GAA: variants seen among roughly 807,000 people sequenced by gnomAD.
The protein encoded by GAA is lysosomal alpha-glucosidase.
Under a neutral mutation model 103.9 loss-of-function variants are expected in GAA, and 88 were observed. That is an observed-to-expected ratio of 0.85 (90% CI 0.71 to 1.01). GAA has a LOEUF of 1.01. GAA is among the 50% of genes least tolerant of loss of function. The probability of loss-of-function intolerance (pLI) is 0.00; values close to 1 mark genes in which losing one functional copy is unlikely to be tolerated. For missense variants in GAA, 1,350 were observed against 1,305.3 expected, an observed-to-expected ratio of 1.03 and a Z score of -0.53; for synonymous variants, 572 against 563.1, an observed-to-expected ratio of 1.02 and a Z score of -0.22.
intron 11 of GAA, chr17:80,111,767 G>T: frequency 1.7e-6 from 1 of 579,438 alleles, no homozygotes; most frequent in Non-Finnish European, 3.1e-6. Context: ...TCCAGCACCC[G>T]CCCAGCCCTG....
Position 80,113,202 on chromosome 17 carries a change from C to T in GAA, c.2041-16C>T. On this transcript the variant is annotated splice_polypyrimidine_tract_variant and intron_variant, in intron 14 of 19. Coordinates refer to ENST00000302262, the MANE Select transcript of GAA (RefSeq NM_000152.5). ...CCAGCACCCAAGTGCTTCCTTTGCCCCCGCCTGCCCTGCAGCCCCAGGAGC... is the reference window on the plus strand; with the variant it reads ...CCAGCACCCAAGTGCTTCCTTTGCCTCCGCCTGCCCTGCAGCCCCAGGAGC... 2 of 1,585,152 alleles carry T rather than the reference C, an allele frequency of 1.3e-6. No homozygotes were observed. The highest frequency in any genetic ancestry group is 1.7e-6 in the Non-Finnish European group (2 of 1,168,494).
chr17:80,105,197 G>A lies in GAA; in HGVS notation c.546+65G>A, dbSNP rs1377420437. 5.4e-5 allele frequency: 79 copies of A among 1,454,948 alleles called. No individual in the cohort carries two copies. The East Asian group carries it at 1.7e-3, about 32-fold the overall frequency. The allele number at this position is 1,454,948 out of a possible 1,614,324, so 90.1% of individuals were successfully genotyped here. On this transcript the variant is annotated intron_variant, in intron 2 of 19. Transcript: ENST00000302262. ...GGTGCGCGTGGACATCGACACCCAC[G>A]CACCTCACAAGGGTGGGGTGCATGT... is the stretch of plus-strand genomic sequence containing the variant.
At chr17:80,119,043 C>G (rs958104902) in intron 19 of GAA, among the ~76,000 whole-genome samples, 1 of 152,186 alleles carries the variant, frequency 6.6e-6, no homozygotes. Context: ...GAAGCAGCAC[C>G]GCGTTTCTGG....
At position 80,107,607 on chromosome 17, in the gene GAA, T is replaced by C. The variant is rs1443844938; in HGVS notation, c.743T>C (p.Leu248Pro). Residue 248 changes from leucine to proline, a missense_variant, in exon 4 of 20, where the codon CTG becomes CCG. By Grantham distance (98) the Leu-to-Pro change is moderately conservative. Transcript: ENST00000302262. ...TTCTTTGCGGACCAGTTCCTTCAGC[T>C]GTCCACCTCGCTGCCCTCGCAGTAT... is the stretch of plus-strand genomic sequence containing the variant. Reference protein sequence around the residue: ...PLFFADQFLQLSTSLPSQYIT... With the variant: ...PLFFADQFLQPSTSLPSQYIT... The C allele has an allele frequency of 3.1e-6, 5 of 1,613,118 alleles. No individual in the cohort carries two copies. The highest frequency in any genetic ancestry group is 4.2e-6 in the Non-Finnish European group (5 of 1,179,914).
At chr17:80,106,328 T>C (rs939245257) in intron 3 of GAA, among the ~76,000 whole-genome samples, 1 of 152,196 alleles carries the variant, frequency 6.6e-6, no homozygotes, top group Non-Finnish European at 1.5e-5. Context: ...AGCAAGTCCA[T>C]GCAGACACAG....
intron 17 of GAA, 132 bp from the exon 18 acceptor site, chr17:80,118,061 C>A: frequency 1.9e-6 from 2 of 1,052,998 alleles, no homozygotes; most frequent in Non-Finnish European, 2.7e-6. Flanking sequence ...CCAGCCCCTG[C>A]GGCCGCAGGT....
Position 80,111,992 on chromosome 17 carries a change from G to C in GAA, c.1646G>C (p.Gly549Ala), listed in dbSNP as rs2039246325. 3.7e-6 allele frequency: 6 copies of C among 1,613,598 alleles called. No homozygotes were observed. The highest frequency in any genetic ancestry group is 5.1e-6 in the Non-Finnish European group (6 of 1,179,836). ...ENPPYVPGVV[G>A]GTLQAATICA... ...CCCCCGCCTCTTCCAGGGGTGGTTG[G>C]GGGGACCCTCCAGGCGGCCACCATC... Residue 549 changes from glycine (G) to alanine (A), a missense_variant, in exon 12 of 20, where the codon GGG becomes GCG. Transcript: ENST00000302262.
rs59362713 is a variant in GAA, at chr17:80,116,321, G to A, written c.2190-647G>A. 0.085 allele frequency among the ~76,000 whole-genome samples: 12,930 copies of A among 152,210 alleles called. 756 individuals carry two copies. Among genetic ancestry groups the A allele is most frequent in the East Asian group, 0.25 (1,309 of 5,176 alleles). ...ATGTTTTTGAGATTCACATTGATGC[G>A]TTAATTTTACAAATAGAAATAGGGC... On this transcript the variant is annotated intron_variant, in intron 15 of 19. Transcript: ENST00000302262.
Position 80,110,945 on chromosome 17 carries a change from T to C in GAA, c.1556T>C (p.Met519Thr), listed in dbSNP as rs786204720. The change falls in exon 11 of 20, where the codon ATG (methionine) becomes ACG (threonine). Residue 519 changes from methionine to threonine, a missense_variant. Coordinates refer to ENST00000302262, the MANE Select transcript of GAA (RefSeq NM_000152.5). ...QVPFDGMWID[M>T]NEPSNFIRGS... ...CCAGCAGCGCTTCTCTTGCAGGACA[T>C]GAACGAGCCTTCCAACTTCATCAGG... 3.1e-6 allele frequency: 5 copies of C among 1,613,804 alleles called. No individual in the cohort carries two copies. The highest frequency in any genetic ancestry group is 1.1e-5 in the South Asian group (1 of 91,084).
intron 15 of GAA, 82 bp from the exon 16 acceptor site, chr17:80,116,886 C>G: frequency 6.6e-7 from 1 of 1,523,048 alleles, no homozygotes; most frequent in Non-Finnish European, 9.1e-7. Flanking sequence ...TCAGCCTCTT[C>G]CTGTGCCTCC....
intron 1 of GAA, chr17:80,102,502 AT>A (rs1216601058): frequency 6.6e-6 from 1 of 152,196 alleles, no homozygotes; most frequent in Non-Finnish European, 1.5e-5. Flanking sequence ...GGGGCTGGAG[AT>A]TGAGTGAATC....
intron 8 of GAA, among the ~76,000 whole-genome samples, chr17:80,109,142 C>T (rs923077865): frequency 6.6e-6 from 1 of 152,142 alleles, no homozygotes; most frequent in Non-Finnish European, 1.5e-5. Context: ...GTGGAGGGCC[C>T]GGTGGGCCTG....
chr17:80,104,902 C>G lies in GAA; in HGVS notation c.316C>G (p.Arg106Gly), dbSNP rs915675670. 3.1e-6 allele frequency: 5 copies of G among 1,612,428 alleles called. No homozygotes were observed. Among genetic ancestry groups the G allele is most frequent in the South Asian group, 1.1e-5 (1 of 91,024 alleles). The change falls in exon 2 of 20, where the codon CGC becomes GGC. Residue 106 changes from arginine to glycine, a missense_variant. Transcript: ENST00000302262. This position sits in a 1 kb window ranked among gnomAD's most constrained non-coding sequence, Gnocchi z 4.0. The stretch of plus-strand genomic sequence containing the variant: ...CATCACCCAGGAACAGTGCGAGGCC[C>G]GCGGCTGTTGCTACATCCCTGCAAA... ...KAITQEQCEA[R>G]GCCYIPAKQG...
intron 19 of GAA, 73 bp from the exon 20 acceptor site, chr17:80,119,199 C>A: frequency 7.0e-7 from 1 of 1,435,252 alleles, no homozygotes; most frequent in Non-Finnish European, 9.8e-7. Context: ...CCAGATGGAG[C>A]CGCCTTCTGA....
chr17:80,118,061 C>T lies in GAA; in HGVS notation c.2482-132C>T, dbSNP rs113824706. 2,771 of 1,052,982 alleles carry T rather than the reference C, an allele frequency of 2.6e-3. 54 individuals carry two copies. In the African/African-American group the frequency reaches 0.037, roughly 14 times the overall value. The allele number at this position is 1,052,982 out of a possible 1,614,324, so 65.2% of individuals were successfully genotyped here. A position where few individuals can be genotyped will look rare whatever the true frequency, so the allele number is the denominator to read the frequency against. On this transcript the variant is annotated intron_variant, in intron 17 of 19. Coordinates refer to ENST00000302262, the MANE Select transcript of GAA (RefSeq NM_000152.5). ...CATCACCACGGGGTTCCAGCCCCTGCGGCCGCAGGTGTTCCTGCAGATCCT... is the reference window on the plus strand; with the variant it reads ...CATCACCACGGGGTTCCAGCCCCTGTGGCCGCAGGTGTTCCTGCAGATCCT...
At position 80,119,558 on chromosome 17, in the gene GAA, G is replaced by C. The variant is rs1800319; in HGVS notation, c.*227G>C. The C allele has an allele frequency of 1.8e-6, 1 of 557,626 alleles. No individual in the cohort carries two copies. Among genetic ancestry groups the C allele is most frequent in the Admixed American group, 2.8e-5 (1 of 35,704 alleles). The allele number at this position is 557,626 out of a possible 1,614,324, so 34.5% of individuals were successfully genotyped here. On this transcript the variant is annotated 3_prime_UTR_variant, in exon 20 of 20. Coordinates refer to ENST00000302262, the MANE Select transcript of GAA (RefSeq NM_000152.5). ...TCCCTAGATCGCACTGTGGGCCGGG[G>C]CCCTGGAGGGCTGCTCTGTGTTAAT...
rs374470794 is a variant in GAA, at chr17:80,112,625, C to A, written c.1802C>A (p.Ser601Ter). 3 of 1,613,012 alleles carry A rather than the reference C, an allele frequency of 1.9e-6. No homozygotes were observed. The highest frequency in any genetic ancestry group is 2.5e-6 in the Non-Finnish European group (3 of 1,179,962). ...ACACGCCCATTTGTGATCTCCCGCT[C>A]GACCTTTGCTGGCCACGGCCGATAC... is the stretch of plus-strand genomic sequence containing the variant. ...RGTRPFVISR[S>*]TFAGHGRYAG... The change falls in exon 13 of 20, where the codon TCG becomes TAG. Residue 601 changes from serine (S) to a stop codon, truncating the protein, a stop_gained. Transcript: ENST00000302262. LOFTEE classifies it high-confidence loss of function.
At position 80,113,201 on chromosome 17, in the gene GAA, C is replaced by A. The variant is rs746028622; in HGVS notation, c.2041-17C>A. 6.9e-6 allele frequency: 11 copies of A among 1,584,264 alleles called. No homozygotes were observed. Among genetic ancestry groups the A allele is most frequent in the Non-Finnish European group, 9.4e-6 (11 of 1,168,064 alleles). On this transcript the variant is annotated splice_polypyrimidine_tract_variant and intron_variant, in intron 14 of 19. Coordinates refer to ENST00000302262, the MANE Select transcript of GAA (RefSeq NM_000152.5). ...CCCAGCACCCAAGTGCTTCCTTTGC[C>A]CCCGCCTGCCCTGCAGCCCCAGGAG...
At chr17:80,117,480 G>C (rs972879933) in intron 16 of GAA, 120 bp from the exon 17 acceptor site, 5 of 1,197,326 alleles carry the variant, frequency 4.2e-6, no homozygotes, top group Middle Eastern at 4.3e-4. Context: ...AGTTCAGCCC[G>C]TCTGTGCCAG....
Sources: gnomAD v4.1 joint callset for allele counts (sites outside exome capture counted in the v4.1 genomes callset) on GRCh38, gnomAD v4.1.1 for gene constraint, Gnocchi (gnomAD v3.1) non-coding constraint, MANE v1.5 for transcripts, NCBI Gene and HGNC (gene_info 2026-07-23, HGNC 2026-07-21) for gene names.